NUP43: variants seen among roughly 807,000 people sequenced by gnomAD.
NUP43 encodes the protein nucleoporin Nup43.
In NUP43, 32 loss-of-function variants were observed where a neutral mutation model predicts 47.3. The observed-to-expected ratio is 0.68, with a 90% CI of 0.51 to 0.91. The LOEUF (loss-of-function observed/expected upper bound fraction) is 0.91. NUP43 is among the 40% of genes least tolerant of loss of function. The pLI, the probability that NUP43 is intolerant of heterozygous loss-of-function variation, is 0.00. For missense variants in NUP43, 444 were observed against 453.9 expected (o/e 0.98, Z 0.20); for synonymous variants, 147 against 158.4 (o/e 0.93, Z 0.54).
intron 2 of NUP43, among the ~76,000 whole-genome samples, chr6:149,745,369 C>A (rs1785922807): frequency 6.7e-6 from 1 of 149,670 alleles, no homozygotes; most frequent in South Asian, 2.1e-4. Flanking sequence ...CACTGTACTC[C>A]AGCCTGGGTG....
intron 6 of NUP43, among the ~76,000 whole-genome samples, 194 bp from the exon 7 acceptor site, chr6:149,731,929 A>G (rs1054126442): frequency 2.6e-5 from 4 of 152,128 alleles, no homozygotes; most frequent in African/African-American, 7.2e-5. Flanking sequence ...TAACACATAG[A>G]AAGGAAAAAG....
chr6:149,746,888 A>G (rs1396876961), upstream of NUP43, among the ~76,000 whole-genome samples: 1 of 152,242 alleles, frequency 6.6e-6, no homozygotes, highest in Non-Finnish European at 1.5e-5. Flanking sequence ...AAACGATTCA[A>G]AAATCCTTAA....
At chr6:149,734,659 A>G (rs1785226857) in intron 6 of NUP43, among the ~76,000 whole-genome samples, 1 of 151,722 alleles carries the variant, frequency 6.6e-6, no homozygotes, top group South Asian at 2.1e-4. Flanking sequence ...TTAGCTAGGC[A>G]TGGTGGCAAA....
intron 2 of NUP43, 117 bp from the exon 3 acceptor site, chr6:149,743,832 C>CT (rs58509133): frequency 1 from 647,022 of 648,890 alleles, 322,580 homozygotes; most frequent in Middle Eastern, 1. Context: ...AGCAAAGAGC[C>CT]ATGAGTGCTA....
chr6:149,732,265 G>A (rs553569704), intron 6 of NUP43, among the ~76,000 whole-genome samples: 18 of 151,894 alleles, frequency 1.2e-4, no homozygotes, highest in African/African-American at 4.1e-4. Flanking sequence ...GAAAATAGTA[G>A]CCAGGCACAG....
intron 6 of NUP43, among the ~76,000 whole-genome samples, chr6:149,735,596 T>TC: frequency 2.9e-5 from 1 of 35,002 alleles, no homozygotes; most frequent in African/African-American, 3.7e-4. Context: ...AGACCCTGTC[T>TC]CCAAAAAAAA....
intron 5 of NUP43, among the ~76,000 whole-genome samples, chr6:149,737,684 G>A (rs1444601436): frequency 6.6e-6 from 1 of 151,972 alleles, no homozygotes. Context: ...GCAATGGCAC[G>A]ATCTTAGCTC....
At chr6:149,743,837 G>C (rs1325223287) in intron 2 of NUP43, 122 bp from the exon 3 acceptor site, 3 of 603,428 alleles carry the variant, frequency 5.0e-6, no homozygotes, top group Non-Finnish European at 8.7e-6. Flanking sequence ...AGAGCCATGA[G>C]TGCTAAGGAA....
chr6:149,741,241 G>A lies in NUP43; in HGVS notation c.502+1149C>T, dbSNP rs142815099. On this transcript the variant is annotated intron_variant, in intron 4 of 7. Coordinates refer to ENST00000340413, the MANE Select transcript of NUP43 (RefSeq NM_198887.3). ...GGCTGGAGTGCGGTGGCATGATCTC[G>A]GCTCACTGCAGCCTCTCAGTCTCTC... Among the ~76,000 whole-genome samples, 228 of 152,104 alleles carry A rather than the reference G, an allele frequency of 1.5e-3. 1 individual carries two copies. Among genetic ancestry groups the A allele is most frequent in the African/African-American group, 5.3e-3 (218 of 41,486 alleles).
chr6:149,727,133 T>C lies in NUP43; in HGVS notation c.979A>G (p.Ile327Val), dbSNP rs747321896. The C allele has an allele frequency of 9.9e-6, 16 of 1,614,012 alleles. No individual in the cohort carries two copies. Among genetic ancestry groups the C allele is most frequent in the South Asian group, 6.6e-5 (6 of 91,088 alleles). Reference protein sequence around the residue: ...SNQANVHQSVISSWLSTDPAK... With the variant: ...SNQANVHQSVVSSWLSTDPAK... ...GGATCAGTGCTGAGCCAGGAGCTAATGACAGACTGGTGAACATTAGCTTGG... is the reference window on the plus strand; with the variant it reads ...GGATCAGTGCTGAGCCAGGAGCTAACGACAGACTGGTGAACATTAGCTTGG... Residue 327 changes from isoleucine to valine, a missense_variant, in exon 8 of 8, where the codon ATT becomes GTT. Physicochemically the swap from Ile to Val is conservative, Grantham distance 29. Coordinates refer to ENST00000340413, the MANE Select transcript of NUP43 (RefSeq NM_198887.3).
chr6:149,729,142 C>G (rs1461180983), intron 7 of NUP43, among the ~76,000 whole-genome samples: 4 of 152,116 alleles, frequency 2.6e-5, no homozygotes, highest in South Asian at 4.1e-4. Flanking sequence ...AGGCACCCAC[C>G]ACCACGTTCA....
At chr6:149,733,830 TG>T (rs1210663831) in intron 6 of NUP43, among the ~76,000 whole-genome samples, 2 of 151,842 alleles carry the variant, frequency 1.3e-5, no homozygotes, top group Non-Finnish European at 2.9e-5. Context: ...TGTTTTGTTT[TG>T]TTTTTTTTTT....
chr6:149,744,826 A>C (rs1265788075), intron 2 of NUP43, among the ~76,000 whole-genome samples: 1 of 151,376 alleles, frequency 6.6e-6, no homozygotes, highest in Non-Finnish European at 1.5e-5. Context: ...ACAGTATAAG[A>C]CTTCGTCTCC....
chr6:149,731,807 T>G, intron 6 of NUP43, 72 bp from the exon 7 acceptor site: 1 of 1,510,666 alleles, frequency 6.6e-7, no homozygotes, highest in South Asian at 1.2e-5. Context: ...CCCCCATCTC[T>G]AGGCATCATC....
At chr6:149,732,593 C>T (rs1437857195) in intron 6 of NUP43, among the ~76,000 whole-genome samples, 1 of 151,828 alleles carries the variant, frequency 6.6e-6, no homozygotes, top group Non-Finnish European at 1.5e-5. Context: ...TGCCTGTAAT[C>T]CTACCACTTT....
rs1562386405 is a variant in NUP43, at chr6:149,745,942, GT to G, written c.240del (p.Leu80PhefsTer18). The G allele has an allele frequency of 6.2e-7, 1 of 1,609,902 alleles. No homozygotes were observed. Among genetic ancestry groups the G allele is most frequent in the Non-Finnish European group, 8.5e-7 (1 of 1,178,628 alleles). ...TTTTGGATGCTACACAGATTTACCT[GT>G]AAATCCATTACATCACCATGGTGTC... is the stretch of plus-strand genomic sequence containing the variant. ...DIRHHGDVMD[L>X]QFFDQERIVA... On this transcript the variant is annotated frameshift_variant, in exon 2 of 8. Transcript: ENST00000340413. LOFTEE classifies it high-confidence loss of function.
At chr6:149,740,626 TAAAC>T (rs1018468249) in intron 4 of NUP43, among the ~76,000 whole-genome samples, 31 of 152,076 alleles carry the variant, frequency 2.0e-4, no homozygotes, top group East Asian at 5.8e-4. Flanking sequence ...TGACTCCATC[TAAAC>T]AAACAAACAA....
At chr6:149,733,345 T>C (rs981407517) in intron 6 of NUP43, among the ~76,000 whole-genome samples, 4 of 152,190 alleles carry the variant, frequency 2.6e-5, no homozygotes, top group African/African-American at 4.8e-5. Flanking sequence ...TATTTGTTGA[T>C]TATTTATCAA....
Position 149,736,527 on chromosome 6 carries a change from C to T in NUP43, c.734G>A (p.Trp245Ter). Residue 245 changes from tryptophan (W) to a stop codon, truncating the protein, a stop_gained, in exon 6 of 8, where the codon TGG becomes TAG. Coordinates refer to ENST00000340413, the MANE Select transcript of NUP43 (RefSeq NM_198887.3). LOFTEE classifies it high-confidence loss of function. ...TGGQDGMLSI[W>*]DVRQGTMPVS... ...AGGCATAGTACCTTGTCTAACATCCCAAATACTCAACATTCCATCTTGGCC... is the reference window on the plus strand; with the variant it reads ...AGGCATAGTACCTTGTCTAACATCCTAAATACTCAACATTCCATCTTGGCC... 1 of 1,611,730 alleles carries T rather than the reference C, an allele frequency of 6.2e-7. No homozygotes were observed. The highest frequency in any genetic ancestry group is 8.5e-7 in the Non-Finnish European group (1 of 1,178,030).
Sources: allele counts gnomAD v4.1 joint callset (sites outside exome capture counted in the v4.1 genomes callset), GRCh38; gene constraint gnomAD v4.1.1; transcripts MANE v1.5; gene names NCBI Gene and HGNC (gene_info 2026-07-23, HGNC 2026-07-21).